IQCE: variants seen among roughly 807,000 people sequenced by gnomAD.
The protein encoded by IQCE is IQ domain-containing protein E.
IQCE carries 115 observed loss-of-function variants against 96.0 expected under a neutral mutation model. That is an observed-to-expected ratio of 1.20 (90% CI 1.03 to 1.40). The LOEUF is 1.40. IQCE is among the 40% of genes most tolerant of loss of function. The probability of loss-of-function intolerance (pLI) is 0.00; values close to 1 mark genes in which losing one functional copy is unlikely to be tolerated. For missense variants in IQCE, 1,041 were observed against 909.1 expected (o/e 1.15, Z -1.87); for synonymous variants, 412 against 371.2 (o/e 1.11, Z -1.26).
chr7:2,569,121 C>A, intron 3 of IQCE, 122 bp downstream of exon 3: 1 of 898,634 alleles, frequency 1.1e-6, no homozygotes, highest in Non-Finnish European at 1.8e-6. Flanking sequence ...CCAGTTGGCC[C>A]CATTCCCACT....
intron 1 of IQCE, among the ~76,000 whole-genome samples, chr7:2,565,080 ATGTGTGCGTGTGTGTGCGTGTGTG>A (rs1408752555): frequency 6.6e-6 from 1 of 150,496 alleles, no homozygotes; most frequent in Non-Finnish European, 1.5e-5. Flanking sequence ...GTGTGAGTGC[ATGTGTGCGTGTGTGTGCGTGTGTG>A]TGTGTGAGTG....
At chr7:2,602,236 C>T (rs1460014463) in intron 18 of IQCE, among the ~76,000 whole-genome samples, 1 of 152,276 alleles carries the variant, frequency 6.6e-6, no homozygotes, top group Non-Finnish European at 1.5e-5. Context: ...GCCGGTGGGA[C>T]AAGGAGTCTG....
At chr7:2,587,704 T>C (rs1438364675) in intron 12 of IQCE, 118 bp from the exon 13 acceptor site, 16 of 997,942 alleles carry the variant, frequency 1.6e-5, no homozygotes, top group Non-Finnish European at 2.5e-5. Context: ...GGTGTGGCTC[T>C]GCAGCCCCGC....
At chr7:2,607,628 G>T (rs1784930032) in intron 21 of IQCE, 1 of 988,000 alleles carries the variant, frequency 1.0e-6, no homozygotes, top group Non-Finnish European at 1.3e-6. Flanking sequence ...GCCACACCCT[G>T]GTGTGAGGCC....
chr7:2,594,116 C>A (rs765501719), intron 15 of IQCE, among the ~76,000 whole-genome samples: 2 of 152,024 alleles, frequency 1.3e-5, no homozygotes, highest in African/African-American at 4.8e-5. Context: ...AAAAATTAGC[C>A]GGGCACAGTG....
In IQCE at chr7:2,594,797, G is replaced by A. The variant is rs138653416; in HGVS notation, c.1350-89G>A. 1,826 of 915,714 alleles carry A rather than the reference G, an allele frequency of 2.0e-3. 16 individuals are homozygous for A. In the African/African-American group the frequency reaches 0.026, roughly 13 times the overall value. The allele number at this position is 915,714 out of a possible 1,614,324, so 56.7% of individuals were successfully genotyped here. A position where few individuals can be genotyped will look rare whatever the true frequency, so the allele number is the denominator to read the frequency against. ...GGCTGCCTGGTGTCCCCCTGTCTCC[G>A]CCTGGACCGCCCGCCCCACCCTGCC... On this transcript the variant is annotated intron_variant, in intron 15 of 21. Transcript: ENST00000402050.
chr7:2,603,605 C>T (rs896909840), intron 18 of IQCE, among the ~76,000 whole-genome samples: 1 of 152,216 alleles, frequency 6.6e-6, no homozygotes, highest in African/African-American at 2.4e-5. Context: ...GACGGAGATG[C>T]GTGCCCCTCT....
At chr7:2,588,983 A>G (rs1783362978) in intron 13 of IQCE, among the ~76,000 whole-genome samples, 1 of 152,170 alleles carries the variant, frequency 6.6e-6, no homozygotes, top group African/African-American at 2.4e-5. Context: ...TGTATTTTAA[A>G]TAGTAAATTA....
chr7:2,575,299 A>G (rs1448136492), intron 6 of IQCE, among the ~76,000 whole-genome samples: 1 of 152,174 alleles, frequency 6.6e-6, no homozygotes, highest in Non-Finnish European at 1.5e-5. Context: ...CTCAGCCATC[A>G]TCGACACCTG....
At chr7:2,565,158 T>A (rs1397005790) in intron 1 of IQCE, among the ~76,000 whole-genome samples, 1 of 148,270 alleles carries the variant, frequency 6.7e-6, no homozygotes, top group African/African-American at 2.6e-5. Context: ...GTGTGTGCTG[T>A]GTATGGTTGT....
At chr7:2,559,513 C>G (rs1388680937) in intron 1 of IQCE, 1 of 214,116 alleles carries the variant, frequency 4.7e-6, no homozygotes, top group African/African-American at 2.3e-5. Flanking sequence ...GGTGACGGAG[C>G]TCACGGTGTA....
chr7:2,614,448 G>C lies in IQCE; in HGVS notation c.*4286G>C, dbSNP rs956888599. ...AAGCTCCCAAGGGCCTGCTGGCAGT[G>C]CCTACGCTGTGCCAACTACCCTGTC... is the stretch of plus-strand genomic sequence containing the variant. On this transcript the variant is annotated 3_prime_UTR_variant, in exon 22 of 22. Transcript: ENST00000402050. 3.9e-5 allele frequency: 6 copies of C among 152,236 alleles called. No individual in the cohort carries two copies. The highest frequency in any genetic ancestry group is 1.4e-4 in the African/African-American group (6 of 41,462). 9.4% of individuals were successfully genotyped at this position (152,236 alleles called of 1,614,324 possible).
Position 2,614,246 on chromosome 7 carries a change from C to G in IQCE, c.*4084C>G, listed in dbSNP as rs1364406601. On this transcript the variant is annotated 3_prime_UTR_variant, in exon 22 of 22. Coordinates refer to ENST00000402050, the MANE Select transcript of IQCE (RefSeq NM_152558.5). ...AAAACCTGCAGAAAGCACCGATAAC[C>G]TTCAAGATCTGAATGAGATTCTATT... is the stretch of plus-strand genomic sequence containing the variant. 2 of 152,340 alleles carry G rather than the reference C, an allele frequency of 1.3e-5. No homozygotes were observed. The highest frequency in any genetic ancestry group is 4.8e-5 in the African/African-American group (2 of 41,572). 9.4% of individuals were successfully genotyped at this position (152,340 alleles called of 1,614,324 possible).
In IQCE at chr7:2,583,595, A is replaced by T. The variant is rs373952186; in HGVS notation, c.702-42A>T. The stretch of plus-strand genomic sequence containing the variant: ...TCTTCCTCTTGCTCTGTCCCCTGGG[A>T]ACGCTGGCACATCCCTATTAACGCT... On this transcript the variant is annotated intron_variant, in intron 9 of 21. Coordinates refer to ENST00000402050, the MANE Select transcript of IQCE (RefSeq NM_152558.5). 14 of 1,479,198 alleles carry T rather than the reference A, an allele frequency of 9.5e-6. No individual in the cohort carries two copies. In the African/African-American group the frequency reaches 2.0e-4, roughly 21 times the overall value. 91.6% of individuals were successfully genotyped at this position (1,479,198 alleles called of 1,614,324 possible).
chr7:2,560,935 AG>A (rs1443786059), intron 1 of IQCE, among the ~76,000 whole-genome samples: 1 of 143,158 alleles, frequency 7.0e-6, no homozygotes, highest in Non-Finnish European at 1.5e-5. Flanking sequence ...CCAGCCTGGC[AG>A]CAGAGTGAGA....
At chr7:2,593,529 A>C (rs899330643) in intron 15 of IQCE, among the ~76,000 whole-genome samples, 11 of 152,264 alleles carry the variant, frequency 7.2e-5, no homozygotes, top group African/African-American at 2.7e-4. Flanking sequence ...CTGGTGGACA[A>C]ACACCCTGAG....
chr7:2,571,591 A>T lies in IQCE; in HGVS notation c.196A>T (p.Met66Leu). ...SWRSLRTAGS[M>L]PLGGRASLTP... The stretch of plus-strand genomic sequence containing the variant: ...GAGGTCCCTCAGGACGGCAGGGAGC[A>T]TGCCTCTGGGCGGCCGAGCGTCCCT... The change falls in exon 4 of 22, where the codon ATG becomes TTG. Residue 66 changes from methionine to leucine, a missense_variant. Transcript: ENST00000402050. 6.2e-7 allele frequency: 1 copy of T among 1,603,642 alleles called. No individual in the cohort carries two copies. The highest frequency in any genetic ancestry group is 8.5e-7 in the Non-Finnish European group (1 of 1,179,960).
intron 1 of IQCE, 136 bp from the exon 2 acceptor site, chr7:2,566,980 C>G: frequency 1.4e-6 from 1 of 699,996 alleles, no homozygotes; most frequent in Admixed American, 2.1e-5. Context: ...CTGGAGTGTT[C>G]TGAGTGGCCT....
Position 2,559,104 on chromosome 7 carries a change from G to T in IQCE, c.-78G>T. ...AGGGAAGGCCCCGAGGCTGCGGGCG[G>T]CCAGGGCTGCCCGCGGATTCCCAGA... On this transcript the variant is annotated 5_prime_UTR_variant, in exon 1 of 22. Coordinates refer to ENST00000402050, the MANE Select transcript of IQCE (RefSeq NM_152558.5). The T allele has an allele frequency of 1.0e-6, 1 of 960,816 alleles. No homozygotes were observed. The highest frequency in any genetic ancestry group is 1.3e-6 in the Non-Finnish European group (1 of 748,556). 59.5% of individuals were successfully genotyped at this position (960,816 alleles called of 1,614,324 possible).
Sources: allele counts gnomAD v4.1 joint callset (sites outside exome capture counted in the v4.1 genomes callset), GRCh38; gene constraint gnomAD v4.1.1; transcripts MANE v1.5; gene names NCBI Gene and HGNC (gene_info 2026-07-23, HGNC 2026-07-21).